The following GNE variants were observed in gnomAD, a reference collection of about 807,000 sequenced individuals.
GNE encodes the protein bifunctional UDP-N-acetylglucosamine 2-epimerase/N-acetylmannosamine kinase.
In GNE, 41 loss-of-function variants were observed where a neutral mutation model predicts 61.8. The observed-to-expected ratio is 0.66, with a 90% CI of 0.52 to 0.86. The LOEUF is 0.86. Ranked by LOEUF, GNE falls within the 40% of genes least tolerant of loss-of-function variation. The probability of loss-of-function intolerance (pLI) is 0.00; values close to 1 mark genes in which losing one functional copy is unlikely to be tolerated. For synonymous variants in GNE, 264 were observed against 326.4 expected, an observed-to-expected ratio of 0.81 and a Z score of 2.06; for missense variants, 608 against 909.1, an observed-to-expected ratio of 0.67 and a Z score of 4.26.
Position 36,238,719 on chromosome 9 carries a change from G to C in GNE, c.617-1735C>G, listed in dbSNP as rs147704314. ...TGTTTACTCTGCTATTCCTTTTGCT[G>C]TGCAAAAGCTCTTTAGTTTAATTAG... On this transcript the variant is annotated intron_variant, in intron 3 of 11. Coordinates refer to ENST00000642385, the MANE Select transcript of GNE (RefSeq NM_005476.7). Among the ~76,000 whole-genome samples the C allele has an allele frequency of 8.8e-3, 1,345 of 152,256 alleles. 12 individuals are homozygous for C. The highest frequency in any genetic ancestry group is 0.014 in the Non-Finnish European group (971 of 68,020).
In GNE at chr9:36,246,145, G is replaced by A; in HGVS notation, c.502C>T (p.Leu168=). Residue 168 remains leucine, a synonymous_variant, in exon 3 of 12, where the codon CTG becomes TTG. Transcript: ENST00000642385. ...VCCTRSAEQH[L]ISMCEDHDRI... is the part of the protein sequence containing the mutation. ...TCATGGTCCTCACACATGGATATCA[G>A]GTGCTGCTCTGCACTGCGGGTGCAG... is the stretch of plus-strand genomic sequence containing the variant. 6.2e-7 allele frequency: 1 copy of A among 1,614,078 alleles called. No individual in the cohort carries two copies. Among genetic ancestry groups the A allele is most frequent in the Non-Finnish European group, 8.5e-7 (1 of 1,179,902 alleles).
upstream of GNE, among the ~76,000 whole-genome samples, chr9:36,258,795 T>A (rs1043169779): frequency 1.3e-5 from 2 of 152,210 alleles, no homozygotes; most frequent in Non-Finnish European, 2.9e-5. Flanking sequence ...TTCTTGCGCC[T>A]CTTGTTCCCT....
At chr9:36,227,026 AGTCTACC>A (rs1307605440) in intron 7 of GNE, among the ~76,000 whole-genome samples, 3 of 152,200 alleles carry the variant, frequency 2.0e-5, no homozygotes, top group African/African-American at 7.2e-5. Context: ...CCCACTGTCA[AGTCTACC>A]GTCTTGGATT....
At chr9:36,246,676 T>G (rs1026954081) in intron 2 of GNE, among the ~76,000 whole-genome samples, 194 bp from the exon 3 acceptor site, 16 of 147,266 alleles carry the variant, frequency 1.1e-4, no homozygotes, top group Non-Finnish European at 2.1e-4. Context: ...TTTTTTTTTT[T>G]TTTTTTTTTT....
At chr9:36,220,914 C>A (rs1218248209) in intron 9 of GNE, among the ~76,000 whole-genome samples, 1 of 152,202 alleles carries the variant, frequency 6.6e-6, no homozygotes, top group Non-Finnish European at 1.5e-5. Flanking sequence ...GCACTTATTC[C>A]TCAACCCCTA....
chr9:36,249,329 C>A lies in GNE; in HGVS notation c.27G>T (p.Lys9Asn). MEKNGNNR[K>N]LRVCVATCNR... ...TACAAGTAGCAACACAAACCCGCAG[C>A]TTTCGGTTATTTCCATTCTTCTCCA... The change falls in exon 2 of 12, where the codon AAG becomes AAT. Residue 9 changes from lysine to asparagine, a missense_variant. By Grantham distance (94) the Lys-to-Asn change is moderately conservative. Coordinates refer to ENST00000642385, the MANE Select transcript of GNE (RefSeq NM_005476.7). 1 of 1,613,994 alleles carries A rather than the reference C, an allele frequency of 6.2e-7. No individual in the cohort carries two copies. The highest frequency in any genetic ancestry group is 1.1e-5 in the South Asian group (1 of 91,080).
rs540802122 is a variant in GNE at position 36,223,517 on chromosome 9, A to G, written c.1282-15T>C. 3 of 1,609,400 alleles carry G rather than the reference A, an allele frequency of 1.9e-6. 1 individual carries two copies. The highest frequency in any genetic ancestry group is 2.2e-5 in the South Asian group (2 of 90,954). On this transcript the variant is annotated splice_polypyrimidine_tract_variant and intron_variant, in intron 7 of 11. Coordinates refer to ENST00000642385, the MANE Select transcript of GNE (RefSeq NM_005476.7). ...ACTATTTCACCCTAAAAGAGAAAAC[A>G]ACAAGTTCCGTCTTACTGGTCTTAG...
upstream of GNE, among the ~76,000 whole-genome samples, chr9:36,262,690 G>T (rs1243246194): frequency 2.0e-5 from 3 of 152,160 alleles, no homozygotes; most frequent in African/African-American, 7.2e-5. Context: ...GGCTATCAAT[G>T]ACTCCTAGGC....
Position 36,218,130 on chromosome 9 carries a change from A to G in GNE, c.1933+53T>C, listed in dbSNP as rs1828413665. On this transcript the variant is annotated intron_variant, in intron 11 of 11. Coordinates refer to ENST00000642385, the MANE Select transcript of GNE (RefSeq NM_005476.7). The surrounding 1 kb of genome is among the most constrained non-coding windows in gnomAD (Gnocchi z 4.1). ...CTCTTCTGGGGCCGGGCTGGGCCAT[A>G]TGATATCTGAGGCCACCCCCTGCAG... 3.3e-6 allele frequency: 4 copies of G among 1,207,160 alleles called. No individual in the cohort carries two copies. Among genetic ancestry groups the G allele is most frequent in the Admixed American group, 3.4e-5 (2 of 59,484 alleles). 74.8% of individuals were successfully genotyped at this position (1,207,160 alleles called of 1,614,324 possible).
At position 36,233,918 on chromosome 9, in the gene GNE, A is replaced by T. The variant is rs2133067872; in HGVS notation, c.982+2T>A. On this transcript the variant is annotated splice_donor_variant, in intron 5 of 11. Transcript: ENST00000642385. LOFTEE classifies it high-confidence loss of function. ...AGTTGAAGTATGAGCAAAGGTAAATACCTGTTTCTCTTCCAATCTGACGTG... is the reference window on the plus strand; with the variant it reads ...AGTTGAAGTATGAGCAAAGGTAAATTCCTGTTTCTCTTCCAATCTGACGTG... The T allele has an allele frequency of 1.2e-6, 2 of 1,609,740 alleles. No homozygotes were observed. The highest frequency in any genetic ancestry group is 2.7e-5 in the African/African-American group (2 of 74,936).
intron 1 of GNE, among the ~76,000 whole-genome samples, chr9:36,266,221 G>T (rs937450111): frequency 6.6e-6 from 1 of 151,994 alleles, no homozygotes; most frequent in Non-Finnish European, 1.5e-5. Flanking sequence ...ATAAGCCACC[G>T]CGCCCGACCT....
intron 1 of GNE, 60 bp from the exon 2 acceptor site, chr9:36,249,457 T>G (rs1016740500): frequency 1.2e-4 from 123 of 1,041,986 alleles, no homozygotes; most frequent in Non-Finnish European, 1.5e-4. Flanking sequence ...AACTAAACTT[T>G]AAACTTCTCT....
intron 5 of GNE, among the ~76,000 whole-genome samples, chr9:36,229,670 G>A (rs1829051014): frequency 6.6e-6 from 1 of 152,132 alleles, no homozygotes; most frequent in Non-Finnish European, 1.5e-5. Context: ...AGAGGCTTAG[G>A]CATGTTTAAA....
chr9:36,227,565 A>G, intron 6 of GNE, 107 bp from the exon 7 acceptor site: 1 of 771,466 alleles, frequency 1.3e-6, no homozygotes, highest in Non-Finnish European at 2.3e-6. Context: ...AAAATAATTC[A>G]TGCTTCTTCC....
intron 6 of GNE, among the ~76,000 whole-genome samples, chr9:36,227,964 C>T (rs1168394950): frequency 7.9e-5 from 11 of 138,734 alleles, no homozygotes; most frequent in South Asian, 2.5e-4. Flanking sequence ...ACCCGGGAAG[C>T]GGAGGTTGCA....
At position 36,222,910 on chromosome 9, in the gene GNE, A is replaced by G; in HGVS notation, c.1500T>C (p.Leu500=). The change falls in exon 9 of 12, where the codon CTT becomes CTC. Residue 500 remains leucine (L), a synonymous_variant. Coordinates refer to ENST00000642385, the MANE Select transcript of GNE (RefSeq NM_005476.7). ...GCAAAGTGTCAGAAAGGGGGGTCCTAAGGTCCACAGAGTTCCACTCTTGGA... is the reference window on the plus strand; with the variant it reads ...GCAAAGTGTCAGAAAGGGGGGTCCTGAGGTCCACAGAGTTCCACTCTTGGA... ...KLIQEWNSVD[L]RTPLSDTLHL... The G allele has an allele frequency of 2.5e-6, 4 of 1,614,148 alleles. No individual in the cohort carries two copies. The highest frequency in any genetic ancestry group is 3.4e-6 in the Non-Finnish European group (4 of 1,179,994).
intron 3 of GNE, among the ~76,000 whole-genome samples, chr9:36,238,374 G>T (rs1229811527): frequency 6.6e-6 from 1 of 152,196 alleles, no homozygotes; most frequent in Admixed American, 6.5e-5. Flanking sequence ...CAGCAGTGTA[G>T]AAGTGTTCCT....
chr9:36,258,063 G>A (rs1340958582), intron 1 of GNE, among the ~76,000 whole-genome samples: 1 of 152,092 alleles, frequency 6.6e-6, no homozygotes, highest in Non-Finnish European at 1.5e-5. Context: ...GTCAACCTGG[G>A]CCTCCCTCTA....
At position 36,218,530 on chromosome 9, in the gene GNE, C is replaced by T. The variant is rs1828435104; in HGVS notation, c.1817-231G>A. On this transcript the variant is annotated intron_variant, in intron 10 of 11. Coordinates refer to ENST00000642385, the MANE Select transcript of GNE (RefSeq NM_005476.7). The surrounding 1 kb of genome is among the most constrained non-coding windows in gnomAD (Gnocchi z 4.1). ...CTATCTTCCTGGAAAAACCTCAAGT[C>T]TGACGACAGCCTCCTACCCCTCTGG... 6.6e-6 allele frequency among the ~76,000 whole-genome samples: 1 copy of T among 152,236 alleles called. No homozygotes were observed. Among genetic ancestry groups the T allele is most frequent in the African/African-American group, 2.4e-5 (1 of 41,458 alleles).
Sources: allele counts gnomAD v4.1 joint callset (sites outside exome capture counted in the v4.1 genomes callset), GRCh38; gene constraint gnomAD v4.1.1; non-coding constraint Gnocchi (gnomAD v3.1); transcripts MANE v1.5; gene names NCBI Gene and HGNC (gene_info 2026-07-23, HGNC 2026-07-21).